Variants in USP33 observed in about 807,000 individuals in gnomAD.
USP33 encodes ubiquitin carboxyl-terminal hydrolase 33.
Under a neutral mutation model 124.2 loss-of-function variants are expected in USP33, and 46 were observed. The ratio of observed to expected loss-of-function variants is 0.37; its 90% CI spans 0.29 to 0.47. The LOEUF is 0.47. USP33 is among the 20% of genes least tolerant of loss of function. The pLI is 0.99. For missense variants in USP33, 851 were observed against 1,070.6 expected, an observed-to-expected ratio of 0.79 and a Z score of 2.86; for synonymous variants, 350 against 352.3, an observed-to-expected ratio of 0.99 and a Z score of 0.07.
chr1:77,721,192 G>A lies in USP33; in HGVS notation c.1671C>T (p.Tyr557=). 1 of 1,613,646 alleles carries A rather than the reference G, an allele frequency of 6.2e-7. No individual in the cohort carries two copies. Among genetic ancestry groups the A allele is most frequent in the Non-Finnish European group, 8.5e-7 (1 of 1,179,864 alleles). ...ARDELKGDNM[Y]SCEKCKKLRN... is the part of the protein sequence containing the mutation. ...CTTACTTTTTGCATTTTTCACAACT[G>A]TACATATTGTCACCTGCAAATAAAA... Residue 557 remains tyrosine (Y), a synonymous_variant, in exon 15 of 24, where the codon TAC becomes TAT. Coordinates refer to ENST00000370794, the MANE Select transcript of USP33 (RefSeq NM_201624.3).
At chr1:77,754,108 A>C (rs1469523810) in intron 1 of USP33, among the ~76,000 whole-genome samples, 1 of 152,174 alleles carries the variant, frequency 6.6e-6, no homozygotes, top group Admixed American at 6.5e-5. Flanking sequence ...TGGAAGGAGC[A>C]TGTTCCCCAT....
At chr1:77,716,085 G>A (rs563122593) in intron 17 of USP33, among the ~76,000 whole-genome samples, 9 of 152,092 alleles carry the variant, frequency 5.9e-5, no homozygotes, top group Admixed American at 5.9e-4. Context: ...AATAGACACA[G>A]TCTTGCTCTG....
intron 11 of USP33, 43 bp from the exon 12 acceptor site, chr1:77,723,486 T>A: frequency 1.5e-6 from 2 of 1,332,288 alleles, no homozygotes; most frequent in Non-Finnish European, 1.0e-6. Flanking sequence ...GCAGCTCCTT[T>A]AACATTTTTC....
intron 5 of USP33, among the ~76,000 whole-genome samples, chr1:77,736,837 T>G (rs1000873161): frequency 2.0e-5 from 3 of 152,128 alleles, no homozygotes; most frequent in African/African-American, 7.2e-5. Flanking sequence ...CTTGATCTCT[T>G]GACCTCATGA....
chr1:77,730,441 T>G (rs945698247), intron 8 of USP33, among the ~76,000 whole-genome samples, 177 bp downstream of exon 8: 16 of 152,234 alleles, frequency 1.1e-4, no homozygotes, highest in Non-Finnish European at 1.6e-4. Flanking sequence ...CATCTGCTTC[T>G]AAACTTCTAT....
rs1676798119 is a variant in USP33 at position 77,723,402 on chromosome 1, A to C, written c.1318T>G (p.Tyr440Asp). The change falls in exon 12 of 24, where the codon TAC becomes GAC. Residue 440 changes from tyrosine to aspartate, a missense_variant. Coordinates refer to ENST00000370794, the MANE Select transcript of USP33 (RefSeq NM_201624.3). Reference sequence around the variant, plus strand: ...AATATGTCTGAAATAACACTTCTGTATTTCTTGTGCTGTTTTTTTCTCTTT... The same window carrying C: ...AATATGTCTGAAATAACACTTCTGTCTTTCTTGTGCTGTTTTTTTCTCTTT... The part of the protein sequence containing the change: ...SPKRKKQHKK[Y>D]RSVISDIFDG... 20 of 1,613,162 alleles carry C rather than the reference A, an allele frequency of 1.2e-5. No individual in the cohort carries two copies. Among genetic ancestry groups the C allele is most frequent in the Non-Finnish European group, 1.7e-5 (20 of 1,179,714 alleles).
At chr1:77,724,551 G>T (rs1040771697) in intron 11 of USP33, among the ~76,000 whole-genome samples, 11 of 152,016 alleles carry the variant, frequency 7.2e-5, no homozygotes, top group Admixed American at 7.2e-4. Context: ...AGACACTCTG[G>T]TAAAAAGTCT....
chr1:77,720,497 G>T, intron 15 of USP33: 1 of 985,378 alleles, frequency 1.0e-6, no homozygotes, highest in Non-Finnish European at 1.2e-6. Flanking sequence ...GTCATGTCAT[G>T]ATCAGTTGCA....
intron 21 of USP33, among the ~76,000 whole-genome samples, chr1:77,703,749 A>G (rs1021183180): frequency 2.6e-5 from 4 of 152,184 alleles, no homozygotes; most frequent in Non-Finnish European, 5.9e-5. Context: ...TATAACATAT[A>G]ACATATTTAT....
chr1:77,723,617 A>C (rs1676823997), intron 11 of USP33, among the ~76,000 whole-genome samples, 174 bp from the exon 12 acceptor site: 1 of 152,176 alleles, frequency 6.6e-6, no homozygotes, highest in African/African-American at 2.4e-5. Context: ...AAGTATTAAA[A>C]AAATAAAAGA....
intron 22 of USP33, among the ~76,000 whole-genome samples, chr1:77,699,121 C>CA (rs954184463): frequency 6.6e-6 from 1 of 151,264 alleles, no homozygotes; most frequent in African/African-American, 2.4e-5. Flanking sequence ...TTTATGTGGC[C>CA]AAAAAAACAT....
chr1:77,738,723 A>G (rs1678771064), intron 5 of USP33, among the ~76,000 whole-genome samples: 1 of 152,166 alleles, frequency 6.6e-6, no homozygotes, highest in Non-Finnish European at 1.5e-5. Context: ...CTCGTGATCC[A>G]GCCGCCTTGG....
At chr1:77,718,926 CAA>C (rs1049500513) in intron 15 of USP33, among the ~76,000 whole-genome samples, 11 of 52,502 alleles carry the variant, frequency 2.1e-4, no homozygotes, top group Non-Finnish European at 4.4e-4. Context: ...GACCCTGCCT[CAA>C]AAAAAAAAAA....
At chr1:77,749,216 A>G (rs1050883978) in intron 1 of USP33, among the ~76,000 whole-genome samples, 2 of 152,028 alleles carry the variant, frequency 1.3e-5, no homozygotes, top group African/African-American at 2.4e-5. Flanking sequence ...TTTTTATTCC[A>G]TATCTTTTTC....
intron 5 of USP33, among the ~76,000 whole-genome samples, chr1:77,738,492 T>C (rs1678736704): frequency 6.6e-6 from 1 of 152,108 alleles, no homozygotes; most frequent in African/African-American, 2.4e-5. Flanking sequence ...TTTTTCTTTT[T>C]TTTTTTTAGA....
rs148473558 is a variant in USP33 at position 77,731,939 on chromosome 1, C to T, written c.525-1208G>A. ...GCAACATAGCGAAAACCCATCTCTA[C>T]AAAAATTTTAAAACATTATCTGGGA... On this transcript the variant is annotated intron_variant, in intron 7 of 23. Coordinates refer to ENST00000370794, the MANE Select transcript of USP33 (RefSeq NM_201624.3). Among the ~76,000 whole-genome samples, 3 of 151,646 alleles carry T rather than the reference C, an allele frequency of 2.0e-5. No homozygotes were observed. The East Asian group carries it at 5.8e-4, about 29-fold the overall frequency.
chr1:77,734,102 G>A (rs1678150090), intron 7 of USP33, among the ~76,000 whole-genome samples: 1 of 152,086 alleles, frequency 6.6e-6, no homozygotes, highest in Admixed American at 6.5e-5. Flanking sequence ...TCATTTTCTA[G>A]ATGTAAGAAA....
intron 9 of USP33, among the ~76,000 whole-genome samples, chr1:77,729,239 A>C (rs942294894): frequency 6.6e-6 from 1 of 152,114 alleles, no homozygotes; most frequent in African/African-American, 2.4e-5. Context: ...AGATGATCTG[A>C]AGATCAACTT....
At chr1:77,702,031 T>C (rs1674071594) in intron 21 of USP33, among the ~76,000 whole-genome samples, 1 of 151,004 alleles carries the variant, frequency 6.6e-6, no homozygotes, top group South Asian at 2.1e-4. Flanking sequence ...GTCCCAGCTA[T>C]TCGGGGAAGC....
Sources: allele counts gnomAD v4.1 joint callset (sites outside exome capture counted in the v4.1 genomes callset), GRCh38; gene constraint gnomAD v4.1.1; transcripts MANE v1.5; gene names NCBI Gene and HGNC (gene_info 2026-07-23, HGNC 2026-07-21).